The following KCNT2 variants were observed in gnomAD, a reference collection of about 807,000 sequenced individuals.
KCNT2 encodes potassium channel subfamily T member 2.
In KCNT2, 67 loss-of-function variants were observed where a neutral mutation model predicts 153.8. The ratio of observed to expected loss-of-function variants is 0.44; its 90% CI spans 0.36 to 0.53. KCNT2 has a LOEUF of 0.53. Ranked by LOEUF, KCNT2 falls within the 20% of genes least tolerant of loss-of-function variation. The pLI, the probability that KCNT2 is intolerant of heterozygous loss-of-function variation, is 0.00. For missense variants in KCNT2, 975 were observed against 1,354.8 expected (o/e 0.72, Z 4.40); for synonymous variants, 500 against 458.8 (o/e 1.09, Z -1.15).
At chr1:196,336,561 T>C (rs1165830243) in intron 16 of KCNT2, among the ~76,000 whole-genome samples, 2 of 152,166 alleles carry the variant, frequency 1.3e-5, no homozygotes, top group Non-Finnish European at 2.9e-5. Context: ...TCCATTTCTT[T>C]TCTCCGTTTT....
rs183619135 is a variant in KCNT2 at position 196,288,257 on chromosome 1, G to A, written c.2596-2499C>T. Among the ~76,000 whole-genome samples, 28 of 152,206 alleles carry A rather than the reference G, an allele frequency of 1.8e-4. No individual in the cohort carries two copies. The East Asian group carries it at 5.4e-3, about 29-fold the overall frequency. Reference sequence around the variant, plus strand: ...GTCAGAAATGAGACTAGAGCAATAAGTTTGGACTAGGTCTTAAAGTACCAA... The same window carrying A: ...GTCAGAAATGAGACTAGAGCAATAAATTTGGACTAGGTCTTAAAGTACCAA... On this transcript the variant is annotated intron_variant, in intron 22 of 27. Coordinates refer to ENST00000294725, the MANE Select transcript of KCNT2 (RefSeq NM_198503.5).
At chr1:196,595,477 G>A (rs180850050) in intron 1 of KCNT2, among the ~76,000 whole-genome samples, 11 of 151,890 alleles carry the variant, frequency 7.2e-5, no homozygotes, top group African/African-American at 2.7e-4. Context: ...GTATCTAGAG[G>A]GGGCTGGTTC....
intron 1 of KCNT2, among the ~76,000 whole-genome samples, chr1:196,514,278 T>C (rs1262680615): frequency 2.0e-5 from 3 of 152,226 alleles, no homozygotes; most frequent in Non-Finnish European, 4.4e-5. Flanking sequence ...TTGTTCTTAT[T>C]TACATTTTTA....
chr1:196,357,078 T>A (rs1251055646), intron 14 of KCNT2, among the ~76,000 whole-genome samples: 3 of 151,962 alleles, frequency 2.0e-5, no homozygotes, highest in Non-Finnish European at 2.9e-5. Flanking sequence ...CATTTCCATA[T>A]CTTCTCATTT....
In KCNT2 at chr1:196,333,880, G is replaced by A. The variant is rs1326917927; in HGVS notation, c.1964C>T (p.Thr655Ile). ...TGAAGACATTTCTTCATCTGGTGTA[G>A]TTTCATCTTCTGATTGGTCACTTAG... Reference protein sequence around the residue: ...DLLSDQSEDETTPDEEMSSNL... With the variant: ...DLLSDQSEDEITPDEEMSSNL... Residue 655 changes from threonine to isoleucine, a missense_variant, in exon 17 of 28, where the codon ACT becomes ATT. By Grantham distance (89) the Thr-to-Ile change is moderately conservative. Around this residue, in one of 6 missense-constraint regions of KCNT2, gnomAD observed 325 missense variants for 388.1 expected, o/e 0.84. Coordinates refer to ENST00000294725, the MANE Select transcript of KCNT2 (RefSeq NM_198503.5). 14 of 1,611,762 alleles carry A rather than the reference G, an allele frequency of 8.7e-6. No homozygotes were observed. Among genetic ancestry groups the A allele is most frequent in the Non-Finnish European group, 1.1e-5 (13 of 1,178,354 alleles).
intron 25 of KCNT2, among the ~76,000 whole-genome samples, chr1:196,262,887 A>T (rs181461069): frequency 1.7e-3 from 259 of 152,236 alleles, no homozygotes; most frequent in African/African-American, 5.8e-3. Context: ...CCTTAAGCAA[A>T]TCATTGAGAT....
chr1:196,305,418 G>A (rs1189145315), intron 21 of KCNT2, 73 bp from the exon 22 acceptor site: 2 of 801,344 alleles, frequency 2.5e-6, no homozygotes, highest in Non-Finnish European at 4.3e-6. Context: ...ATATTTATGA[G>A]TGAGTGATTC....
rs1000201693 is a variant in KCNT2 at position 196,272,425 on chromosome 1, T to C, written c.2910+8435A>G. Among the ~76,000 whole-genome samples, 160 of 151,880 alleles carry C rather than the reference T, an allele frequency of 1.1e-3. 1 individual carries two copies. The highest frequency in any genetic ancestry group is 3.7e-3 in the African/African-American group (154 of 41,520). On this transcript the variant is annotated intron_variant, in intron 25 of 27. Transcript: ENST00000294725. ...CCATGAAGTTTTTATGTCAACCCTC[T>C]GAAAAACCTTTTTTTTGCTTATGTA...
chr1:196,470,042 T>C (rs1053173278), intron 5 of KCNT2, among the ~76,000 whole-genome samples: 1 of 152,204 alleles, frequency 6.6e-6, no homozygotes, highest in Non-Finnish European at 1.5e-5. Flanking sequence ...AGAGCAGCTA[T>C]TGTCTCCATA....
chr1:196,567,678 T>A (rs1660273710), intron 1 of KCNT2, among the ~76,000 whole-genome samples: 1 of 152,132 alleles, frequency 6.6e-6, no homozygotes, highest in African/African-American at 2.4e-5. Flanking sequence ...TTCTGTCACA[T>A]CCCTGAAGTG....
chr1:196,248,624 A>G (rs1655662328), intron 26 of KCNT2, among the ~76,000 whole-genome samples: 1 of 152,160 alleles, frequency 6.6e-6, no homozygotes, highest in South Asian at 2.1e-4. Context: ...AAACAGACCA[A>G]TAACAAATAA....
At chr1:196,378,813 T>TTATATATATATA (rs563888936) in intron 13 of KCNT2, among the ~76,000 whole-genome samples, 231 of 147,270 alleles carry the variant, frequency 1.6e-3, no homozygotes, top group African/African-American at 5.4e-3. Context: ...GTATATATAA[T>TTATATATATATA]TATATATATA....
At chr1:196,415,236 AG>A (rs1022950707) in intron 12 of KCNT2, among the ~76,000 whole-genome samples, 3 of 151,910 alleles carry the variant, frequency 2.0e-5, no homozygotes, top group Admixed American at 6.6e-5. Context: ...GGGGAATCAA[AG>A]AGCAAAGATT....
intron 1 of KCNT2, among the ~76,000 whole-genome samples, chr1:196,525,674 T>C (rs890712211): frequency 5.3e-5 from 8 of 152,278 alleles, no homozygotes; most frequent in Admixed American, 1.3e-4. Context: ...TAACTGATTT[T>C]AAAACAACAA....
intron 14 of KCNT2, among the ~76,000 whole-genome samples, chr1:196,343,398 C>T (rs907926077): frequency 1.3e-5 from 2 of 152,028 alleles, no homozygotes; most frequent in Non-Finnish European, 2.9e-5. Context: ...TGCTGAATAA[C>T]ACTTATGAAC....
At chr1:196,386,594 A>T (rs1670007880) in intron 13 of KCNT2, among the ~76,000 whole-genome samples, 1 of 152,172 alleles carries the variant, frequency 6.6e-6, no homozygotes, top group African/African-American at 2.4e-5. Flanking sequence ...TCTGGAGAGC[A>T]AATTGGCATT....
At chr1:196,444,455 G>A (rs965802039) in intron 8 of KCNT2, among the ~76,000 whole-genome samples, 1 of 150,656 alleles carries the variant, frequency 6.6e-6, no homozygotes, top group Non-Finnish European at 1.5e-5. Context: ...ATATTTCGTC[G>A]TCCTCTCATC....
intron 1 of KCNT2, among the ~76,000 whole-genome samples, chr1:196,500,758 G>A (rs1485510172): frequency 6.6e-6 from 1 of 152,086 alleles, no homozygotes; most frequent in Admixed American, 6.5e-5. Flanking sequence ...AGAGTAAATA[G>A]ACAATATACA....
intron 1 of KCNT2, among the ~76,000 whole-genome samples, chr1:196,594,263 C>T (rs1358869996): frequency 6.6e-6 from 1 of 152,106 alleles, no homozygotes; most frequent in Non-Finnish European, 1.5e-5. Context: ...CACAGAAAAG[C>T]TCCTTGTGAA....
Sources: gnomAD v4.1 joint callset for allele counts (sites outside exome capture counted in the v4.1 genomes callset) on GRCh38, gnomAD v4.1.1 for gene constraint, gnomAD v4.1.1 regional missense constraint, MANE v1.5 for transcripts, NCBI Gene and HGNC (gene_info 2026-07-23, HGNC 2026-07-21) for gene names.